WDR27: variants seen among roughly 807,000 people sequenced by gnomAD.
The protein encoded by WDR27 is WD repeat domain 27, also known as WD repeat-containing protein 27.
A neutral mutation model predicts 114.4 loss-of-function variants in WDR27; 100 were observed. The ratio of observed to expected loss-of-function variants is 0.87; its 90% CI spans 0.74 to 1.03. WDR27 has a LOEUF of 1.03. Ranked by LOEUF, WDR27 falls within the 50% of genes least tolerant of loss-of-function variation. WDR27 has a pLI of 0.00. For missense variants in WDR27, 1,129 were observed against 1,092.9 expected (o/e 1.03, Z -0.47); for synonymous variants, 449 against 423.1 (o/e 1.06, Z -0.75).
chr6:169,599,676 G>A lies in WDR27; in HGVS notation c.2424+2543C>T, dbSNP rs906751955. Among the ~76,000 whole-genome samples the A allele has an allele frequency of 5.9e-5, 9 of 151,890 alleles. 1 individual carries two copies. Among genetic ancestry groups the A allele is most frequent in the African/African-American group, 9.7e-5 (4 of 41,342 alleles). ...TTTCTTCTTTATTAGTCCTGCTAGCGGTCTATCAATTTTGTTGATCTTTTC... is the reference window on the plus strand; with the variant it reads ...TTTCTTCTTTATTAGTCCTGCTAGCAGTCTATCAATTTTGTTGATCTTTTC... On this transcript the variant is annotated intron_variant, in intron 23 of 25. Coordinates refer to ENST00000448612, the MANE Select transcript of WDR27 (RefSeq NM_182552.5).
intron 8 of WDR27, chr6:169,663,619 G>C (rs549432659): frequency 2.0e-5 from 3 of 153,810 alleles, no homozygotes; most frequent in African/African-American, 7.2e-5. Flanking sequence ...ACCAGGTGAG[G>C]ACAAGGTTGC....
intron 17 of WDR27, among the ~76,000 whole-genome samples, chr6:169,639,449 C>G (rs1189686175): frequency 6.6e-6 from 1 of 151,524 alleles, no homozygotes; most frequent in Non-Finnish European, 1.5e-5. Flanking sequence ...TTTTAAAGAA[C>G]TGCTGTCAAC....
intron 25 of WDR27, among the ~76,000 whole-genome samples, chr6:169,491,516 A>G (rs1323023585): frequency 1.3e-5 from 2 of 151,988 alleles, no homozygotes; most frequent in Non-Finnish European, 2.9e-5. Context: ...AATATAAGAG[A>G]AGAAATAAAT....
chr6:169,543,770 G>A (rs1797106594), intron 25 of WDR27, among the ~76,000 whole-genome samples: 1 of 152,056 alleles, frequency 6.6e-6, no homozygotes, highest in South Asian at 2.1e-4. Flanking sequence ...TTTCCTAAAG[G>A]TTATGTGAGT....
chr6:169,615,518 AAAAC>A (rs959152599), intron 21 of WDR27, among the ~76,000 whole-genome samples: 2 of 152,222 alleles, frequency 1.3e-5, no homozygotes, highest in African/African-American at 4.8e-5. Context: ...AAAGCCGACA[AAAAC>A]AAGCAATGGG....
chr6:169,512,618 A>G (rs769691998), intron 25 of WDR27, among the ~76,000 whole-genome samples: 43 of 152,194 alleles, frequency 2.8e-4, no homozygotes, highest in Non-Finnish European at 5.6e-4. Flanking sequence ...TAAACCACAC[A>G]TAAGCTAGAT....
chr6:169,529,319 G>T lies in WDR27; in HGVS notation c.2645+43100C>A, dbSNP rs367748705. ...TAACGGTGGTGACCTCTGCGGGGGG[G>T]GGGGGCAGCTAATGCTAATAAGCTA... is the stretch of plus-strand genomic sequence containing the variant. On this transcript the variant is annotated intron_variant, in intron 25 of 25. Transcript: ENST00000448612. 4.2e-4 allele frequency among the ~76,000 whole-genome samples: 60 copies of T among 143,102 alleles called. 1 individual carries two copies. Among genetic ancestry groups the T allele is most frequent in the Admixed American group, 1.3e-3 (19 of 14,302 alleles). The allele number at this position is 143,102 out of a possible 152,430, so 93.9% of individuals were successfully genotyped here. A position where few individuals can be genotyped will look rare whatever the true frequency, so the allele number is the denominator to read the frequency against.
chr6:169,563,137 G>A (rs966204174), intron 25 of WDR27, among the ~76,000 whole-genome samples: 2 of 152,094 alleles, frequency 1.3e-5, no homozygotes, highest in Non-Finnish European at 2.9e-5. Context: ...AGAGAAACCC[G>A]CACATGGAGA....
At chr6:169,522,588 A>T (rs1211107070) in intron 25 of WDR27, among the ~76,000 whole-genome samples, 1 of 152,082 alleles carries the variant, frequency 6.6e-6, no homozygotes, top group Non-Finnish European at 1.5e-5. Flanking sequence ...AGTATCAACA[A>T]ATTCAAAAAT....
intron 25 of WDR27, among the ~76,000 whole-genome samples, chr6:169,459,571 A>G (rs908485499): frequency 5.3e-4 from 80 of 151,848 alleles, no homozygotes; most frequent in African/African-American, 1.9e-3. Context: ...AAATGTATAC[A>G]TATAAATGTA....
At chr6:169,439,678 A>T in the WDR27 span, among the ~76,000 whole-genome samples, 1 of 152,048 alleles carries the variant, frequency 6.6e-6, no homozygotes, top group African/African-American at 2.4e-5. Flanking sequence ...ATATTTAAGA[A>T]AACTTTCTTT....
At chr6:169,636,338 C>T in intron 19 of WDR27, 33 bp downstream of exon 19, 2 of 1,600,450 alleles carry the variant, frequency 1.2e-6, no homozygotes, top group Non-Finnish European at 1.7e-6. Context: ...TTCCTGTGAT[C>T]TAAAAATAAT....
chr6:169,477,315 G>C (rs9396961), intron 25 of WDR27, among the ~76,000 whole-genome samples: 1 of 152,316 alleles, frequency 6.6e-6, no homozygotes, highest in East Asian at 1.9e-4. Context: ...ATATTAGCTG[G>C]TGTTCAAATA....
At chr6:169,632,905 A>AT in intron 21 of WDR27, 42 bp downstream of exon 21, 1 of 1,549,424 alleles carries the variant, frequency 6.5e-7, no homozygotes, top group African/African-American at 1.3e-5. Flanking sequence ...CTTTAAGCAC[A>AT]TAGTTTTACA....
intron 13 of WDR27, 51 bp downstream of exon 13, chr6:169,658,225 T>A: frequency 7.0e-7 from 1 of 1,429,066 alleles, no homozygotes; most frequent in Non-Finnish European, 9.7e-7. Flanking sequence ...CTAACCACAA[T>A]GAGAACGCAT....
At chr6:169,559,729 A>C (rs3006204) in intron 25 of WDR27, 91,572 of 151,970 alleles carry the variant, frequency 0.6, 29,907 homozygotes, top group East Asian at 0.72. Flanking sequence ...CTTCAAGATG[A>C]TTCCCAGTGC....
At chr6:169,563,001 G>A (rs2982396) in intron 25 of WDR27, among the ~76,000 whole-genome samples, 70,978 of 151,918 alleles carry the variant, frequency 0.47, 20,394 homozygotes, top group Non-Finnish European at 0.65. Flanking sequence ...CGGAGCAAAT[G>A]GGTCTAAAGG....
chr6:169,698,353 A>G (rs1262097557), intron 1 of WDR27, among the ~76,000 whole-genome samples: 2 of 152,070 alleles, frequency 1.3e-5, no homozygotes, highest in Non-Finnish European at 2.9e-5. Flanking sequence ...AGGGTGGTAC[A>G]GACAGGGATG....
At chr6:169,617,286 G>A (rs1291033979) in intron 21 of WDR27, among the ~76,000 whole-genome samples, 2 of 152,218 alleles carry the variant, frequency 1.3e-5, no homozygotes, top group Non-Finnish European at 2.9e-5. Context: ...AGGCAAGCTT[G>A]AGGAGGCGGT....
Sources: allele counts gnomAD v4.1 joint callset (sites outside exome capture counted in the v4.1 genomes callset), GRCh38; gene constraint gnomAD v4.1.1; transcripts MANE v1.5; gene names NCBI Gene and HGNC (gene_info 2026-07-23, HGNC 2026-07-21).